NOS1: variants seen among roughly 807,000 people sequenced by gnomAD.
NOS1 encodes nitric oxide synthase 1.
Under a neutral mutation model 164.5 loss-of-function variants are expected in NOS1, and 51 were observed. The observed-to-expected ratio is 0.31, with a 90% CI of 0.25 to 0.39. NOS1 has a LOEUF of 0.39. Ranked by LOEUF, NOS1 falls within the 10% of genes least tolerant of loss-of-function variation. The pLI, the probability that NOS1 is intolerant of heterozygous loss-of-function variation, is 1.00. For missense variants in NOS1, 1,362 were observed against 1,885.6 expected, an observed-to-expected ratio of 0.72 and a Z score of 5.14; for synonymous variants, 719 against 745.8, an observed-to-expected ratio of 0.96 and a Z score of 0.59.
Position 117,301,703 on chromosome 12 carries a change from A to T in NOS1, c.852+9763T>A, listed in dbSNP as rs763698325. 3.9e-4 allele frequency among the ~76,000 whole-genome samples: 60 copies of T among 152,186 alleles called. 3 individuals are homozygous for T. The highest frequency in any genetic ancestry group is 1.5e-4 in the Non-Finnish European group (10 of 68,036). ...CCACAGCCCGGCCCCCAGGAGGCAT[A>T]AATCACATCTGTCCCATTGATTTCA... On this transcript the variant is annotated intron_variant, in intron 3 of 28. Transcript: ENST00000317775.
chr12:117,319,700 A>C (rs929133510), intron 2 of NOS1, among the ~76,000 whole-genome samples: 1 of 152,204 alleles, frequency 6.6e-6, no homozygotes, highest in Non-Finnish European at 1.5e-5. Context: ...CTGCAGGCCA[A>C]ATAAAACTCA....
chr12:117,233,359 C>T (rs948606365), intron 21 of NOS1, among the ~76,000 whole-genome samples: 2 of 151,316 alleles, frequency 1.3e-5, no homozygotes, highest in African/African-American at 2.4e-5. Flanking sequence ...TGATGCCTGG[C>T]TAATTTTTGT....
At chr12:117,341,392 C>T (rs1379941911) in intron 1 of NOS1, among the ~76,000 whole-genome samples, 1 of 152,106 alleles carries the variant, frequency 6.6e-6, no homozygotes, top group African/African-American at 2.4e-5. Flanking sequence ...ATGAGGAGGA[C>T]GGTCTGGTTC....
At chr12:117,318,362 G>A (rs1419008469) in intron 2 of NOS1, among the ~76,000 whole-genome samples, 1 of 152,176 alleles carries the variant, frequency 6.6e-6, no homozygotes, top group African/African-American at 2.4e-5. Context: ...TTCTGGGTTA[G>A]AGATGTCAGC....
At chr12:117,254,208 A>C (rs548361286) in intron 16 of NOS1, among the ~76,000 whole-genome samples, 15 of 152,282 alleles carry the variant, frequency 9.9e-5, no homozygotes, top group African/African-American at 3.6e-4. Context: ...CCTGGGTTCA[A>C]GTGATTCTCC....
chr12:117,311,625 G>A, intron 2 of NOS1, 33 bp from the exon 3 acceptor site: 1 of 1,590,686 alleles, frequency 6.3e-7, no homozygotes. Context: ...TGAGGAAGGG[G>A]ACATCAGGAG....
At chr12:117,235,169 C>T (rs1297832910) in intron 20 of NOS1, among the ~76,000 whole-genome samples, 1 of 152,058 alleles carries the variant, frequency 6.6e-6, no homozygotes, top group African/African-American at 2.4e-5. Flanking sequence ...CTTCCCACCT[C>T]GGCCTTCCAA....
At chr12:117,220,318 C>T (rs1956683306) in intron 26 of NOS1, 49 bp from the exon 27 acceptor site, 2 of 1,523,580 alleles carry the variant, frequency 1.3e-6, no homozygotes, top group African/African-American at 2.7e-5. Flanking sequence ...TGCAACGTGC[C>T]TGCCATAGCC....
chr12:117,277,862 C>A, intron 9 of NOS1, 97 bp downstream of exon 9: 1 of 1,401,332 alleles, frequency 7.1e-7, no homozygotes, highest in South Asian at 1.4e-5. Context: ...CAGCTTCGGT[C>A]TGGACTAGAA....
intron 22 of NOS1, among the ~76,000 whole-genome samples, chr12:117,228,347 T>C (rs867002626): frequency 2.3e-4 from 35 of 152,300 alleles, no homozygotes; most frequent in South Asian, 4.1e-4. Context: ...TCTGTGTTCC[T>C]AGTCACTACA....
chr12:117,222,628 G>A (rs1401290466), intron 26 of NOS1, 87 bp downstream of exon 26: 1 of 1,266,698 alleles, frequency 7.9e-7, no homozygotes, highest in Non-Finnish European at 1.1e-6. Flanking sequence ...GGAAGCTTAA[G>A]AGTGAGGGTG....
chr12:117,311,410 G>A lies in NOS1; in HGVS notation c.852+56C>T, dbSNP rs1346589106. The stretch of plus-strand genomic sequence containing the variant: ...TCCCTCCCCTCAGCTTCCCACCTGG[G>A]AGGGGGTCGAGAAGGCGTGGGAAGC... On this transcript the variant is annotated intron_variant, in intron 3 of 28. Coordinates refer to ENST00000317775, the MANE Select transcript of NOS1 (RefSeq NM_000620.5). 14 of 1,523,656 alleles carry A rather than the reference G, an allele frequency of 9.2e-6. 1 individual carries two copies. In the Middle Eastern group the frequency reaches 5.3e-4, roughly 57 times the overall value. The allele number at this position is 1,523,656 out of a possible 1,614,324, so 94.4% of individuals were successfully genotyped here. A position where few individuals can be genotyped will look rare whatever the true frequency, so the allele number is the denominator to read the frequency against.
At chr12:117,335,287 G>C (rs1875753352) in intron 1 of NOS1, among the ~76,000 whole-genome samples, 1 of 152,110 alleles carries the variant, frequency 6.6e-6, no homozygotes, top group Non-Finnish European at 1.5e-5. Context: ...TCTGGGTGGG[G>C]GGCACCGTCT....
At position 117,209,760 on chromosome 12, in the gene NOS1, G is replaced by A. The variant is rs1379059666; in HGVS notation, c.*5549C>T. The A allele has an allele frequency of 3.2e-5, 32 of 985,398 alleles. No homozygotes were observed. The Admixed American group carries it at 1.7e-3, about 53-fold the overall frequency. The allele number at this position is 985,398 out of a possible 1,614,324, so 61.0% of individuals were successfully genotyped here. A position where few individuals can be genotyped will look rare whatever the true frequency, so the allele number is the denominator to read the frequency against. On this transcript the variant is annotated 3_prime_UTR_variant, in exon 29 of 29. Coordinates refer to ENST00000317775, the MANE Select transcript of NOS1 (RefSeq NM_000620.5). ...ACCTGGGTCCTTACATTTGGGGAAGGGCAGCTTTTCTTTTGGGGCCCCTTT... is the reference window on the plus strand; with the variant it reads ...ACCTGGGTCCTTACATTTGGGGAAGAGCAGCTTTTCTTTTGGGGCCCCTTT...
intron 3 of NOS1, among the ~76,000 whole-genome samples, chr12:117,304,275 A>G (rs922455068): frequency 6.6e-6 from 1 of 152,170 alleles, no homozygotes; most frequent in Admixed American, 6.5e-5. Context: ...ATAAAAAGCA[A>G]CATATCAGCC....
At chr12:117,351,409 T>G (rs1876612836) in intron 1 of NOS1, among the ~76,000 whole-genome samples, 1 of 152,326 alleles carries the variant, frequency 6.6e-6, no homozygotes, top group Non-Finnish European at 1.5e-5. Context: ...ACTGCTGCCC[T>G]GGTTGCTAGT....
At chr12:117,260,794 T>C (rs1191807683) in intron 13 of NOS1, among the ~76,000 whole-genome samples, 185 bp from the exon 14 acceptor site, 1 of 148,852 alleles carries the variant, frequency 6.7e-6, no homozygotes, top group African/African-American at 2.5e-5. Context: ...CACCGTATTA[T>C]TAAAGTATTA....
At chr12:117,270,945 A>C (rs1245118622) in intron 10 of NOS1, among the ~76,000 whole-genome samples, 2 of 152,202 alleles carry the variant, frequency 1.3e-5, no homozygotes, top group Admixed American at 1.3e-4. Context: ...TGGGAGGCTG[A>C]GACAGGAGAA....
In NOS1 at chr12:117,222,741, A is replaced by G; in HGVS notation, c.3949T>C (p.Tyr1317His). The G allele has an allele frequency of 6.2e-7, 1 of 1,613,670 alleles. No homozygotes were observed. The highest frequency in any genetic ancestry group is 8.5e-7 in the Non-Finnish European group (1 of 1,179,890). Reference sequence around the variant, plus strand: ...TTTGGTTTGTCTGGCTCCCGGGAGTAAGCCGTGTACAGCTCTCTGAAGACC... The same window carrying G: ...TTTGGTTTGTCTGGCTCCCGGGAGTGAGCCGTGTACAGCTCTCTGAAGACC... ...KGVFRELYTA[Y>H]SREPDKPKKY... Residue 1317 changes from tyrosine (Y) to histidine (H), a missense_variant, in exon 26 of 29, where the codon TAC becomes CAC. Tyr to His is a moderately conservative substitution (Grantham distance 83). Transcript: ENST00000317775.
Sources: allele counts gnomAD v4.1 joint callset (sites outside exome capture counted in the v4.1 genomes callset), GRCh38; gene constraint gnomAD v4.1.1; transcripts MANE v1.5; gene names NCBI Gene and HGNC (gene_info 2026-07-23, HGNC 2026-07-21).